The following ZNF587 variants were observed in gnomAD, a reference collection of about 807,000 sequenced individuals.
The protein encoded by ZNF587 is zinc finger protein zfp6.
A neutral mutation model predicts 7.5 loss-of-function variants in ZNF587; 8 were observed. The ratio of observed to expected loss-of-function variants is 1.06; its 90% CI spans 0.62 to 1.92. ZNF587 has a LOEUF of 1.92. Among genes scored for constraint, ZNF587 ranks in the 40% most tolerant of loss-of-function variants. The pLI, the probability that ZNF587 is intolerant of heterozygous loss-of-function variation, is 0.00. For synonymous variants in ZNF587, 145 were observed against 237.8 expected (o/e 0.61, Z 3.59); for missense variants, 468 against 692.8 (o/e 0.68, Z 3.64).
chr19:57,855,101 C>G (rs556069861), intron 1 of ZNF587, among the ~76,000 whole-genome samples: 11 of 151,686 alleles, frequency 7.3e-5, no homozygotes, highest in Non-Finnish European at 1.6e-4. Context: ...GGAGAATGGC[C>G]TGAACCTGGG....
Position 57,859,602 on chromosome 19 carries a change from A to G in ZNF587, c.1190A>G (p.His397Arg). 1 of 1,613,902 alleles carries G rather than the reference A, an allele frequency of 6.2e-7. No homozygotes were observed. The highest frequency in any genetic ancestry group is 8.5e-7 in the Non-Finnish European group (1 of 1,179,978). ...TTTGGTCAAAAGGGCAACCTCGTTC[A>G]CCATCAGCGAGGTCATACTGGAGAA... ...KSFGQKGNLV[H>R]HQRGHTGERP... Residue 397 changes from histidine (H) to arginine (R), a missense_variant, in exon 3 of 3, where the codon CAC (histidine) becomes CGC (arginine). Around this residue, in one of 5 missense-constraint regions of ZNF587, gnomAD observed 310 missense variants for 325.6 expected, o/e 0.95. Transcript: ENST00000339656.
In ZNF587 at chr19:57,850,047, G is replaced by C. The variant is rs1222649435; in HGVS notation, c.9G>C (p.Ala3=). MA[A]AVPRRPTQQG... The stretch of plus-strand genomic sequence containing the variant: ...CTTCCCCAAGTAGTCCGATGGCAGC[G>C]GCTGTGCCGAGGCGCCCAACTCAGG... Residue 3 remains alanine, a synonymous_variant, in exon 1 of 3, where the codon GCG becomes GCC. Coordinates refer to ENST00000339656, the MANE Select transcript of ZNF587 (RefSeq NM_032828.4). 6.2e-7 allele frequency: 1 copy of C among 1,614,136 alleles called. No homozygotes were observed. The highest frequency in any genetic ancestry group is 8.5e-7 in the Non-Finnish European group (1 of 1,180,060).
intron 1 of ZNF587, chr19:57,851,894 T>C (rs183997598): frequency 8.8e-4 from 137 of 155,352 alleles, no homozygotes; most frequent in Non-Finnish European, 1.5e-3. Flanking sequence ...CATTTTGCAC[T>C]GAGAAAAGCA....
chr19:57,854,787 T>A (rs1001383976), intron 1 of ZNF587, among the ~76,000 whole-genome samples: 1 of 151,618 alleles, frequency 6.6e-6, no homozygotes, highest in African/African-American at 2.4e-5. Context: ...ACCCCTATAA[T>A]CTCCTCACTT....
At chr19:57,852,150 TC>T (rs1364393973) in intron 1 of ZNF587, 2 of 386,370 alleles carry the variant, frequency 5.2e-6, no homozygotes, top group Admixed American at 9.1e-5. Context: ...GCCATTTTTT[TC>T]AGTCCTTTGA....
chr19:57,852,222 G>GTA (rs879720508), intron 1 of ZNF587: 168,782 of 396,042 alleles, frequency 0.43, 38,126 homozygotes, highest in African/African-American at 0.63. Flanking sequence ...GTTATATGGA[G>GTA]GTATTCCCAT....
chr19:57,858,550 C>G (rs763104048), intron 2 of ZNF587, 26 bp from the exon 3 acceptor site: 4 of 1,601,138 alleles, frequency 2.5e-6, no homozygotes, highest in East Asian at 2.2e-5. Context: ...GTACTTTGCA[C>G]TTGACCAGCA....
Position 57,861,768 on chromosome 19 carries a change from G to GTTTCCTTTT in ZNF587, c.*1631_*1632insCCTTTTTTT, listed in dbSNP as rs2071434934. On this transcript the variant is annotated 3_prime_UTR_variant, in exon 3 of 3. Coordinates refer to ENST00000339656, the MANE Select transcript of ZNF587 (RefSeq NM_032828.4). ...GTCACTTTGCTGCAAGGAATATTTG[G>GTTTCCTTTT]TTTTCTTTTTTTTTTTTTTTTCCAG... 2.2e-5 allele frequency: 2 copies of GTTTCCTTTT among 90,766 alleles called. No individual in the cohort carries two copies. Among genetic ancestry groups the GTTTCCTTTT allele is most frequent in the East Asian group, 3.8e-4 (1 of 2,664 alleles). The allele number at this position is 90,766 out of a possible 1,614,324, so 5.6% of individuals were successfully genotyped here.
At position 57,862,685 on chromosome 19, in the gene ZNF587, A is replaced by T. The variant is rs1436206101; in HGVS notation, c.*2545A>T. The T allele has an allele frequency of 1.9e-5, 3 of 154,948 alleles. No individual in the cohort carries two copies. Among genetic ancestry groups the T allele is most frequent in the Non-Finnish European group, 2.9e-5 (2 of 68,248 alleles). The allele number at this position is 154,948 out of a possible 1,614,324, so 9.6% of individuals were successfully genotyped here. On this transcript the variant is annotated 3_prime_UTR_variant, in exon 3 of 3. Transcript: ENST00000339656. The stretch of plus-strand genomic sequence containing the variant: ...GCCGTAAATGTGAATTTGGCAAGTA[A>T]CCACTGTTCCCAGGGAAATGTCCCA...
rs1234741221 is a variant in ZNF587 at position 57,861,319 on chromosome 19, G to A, written c.*1179G>A. 6.6e-6 allele frequency: 1 copy of A among 152,104 alleles called. No homozygotes were observed. The highest frequency in any genetic ancestry group is 2.4e-5 in the African/African-American group (1 of 41,420). The allele number at this position is 152,104 out of a possible 1,614,324, so 9.4% of individuals were successfully genotyped here. On this transcript the variant is annotated 3_prime_UTR_variant, in exon 3 of 3. Coordinates refer to ENST00000339656, the MANE Select transcript of ZNF587 (RefSeq NM_032828.4). ...ATAAGTGGTTATAACTTTTGAGTCA[G>A]TGGTTTATGTTTTGCATTTTTTTTG... is the stretch of plus-strand genomic sequence containing the variant.
intron 2 of ZNF587, 45 bp from the exon 3 acceptor site, chr19:57,858,531 C>T (rs372869217): frequency 6.3e-7 from 1 of 1,578,078 alleles, no homozygotes; most frequent in African/African-American, 1.4e-5. Context: ...CTGTGCCTTC[C>T]CGCCGGAGGT....
chr19:57,855,565 G>GTTT (rs750033909), intron 1 of ZNF587, among the ~76,000 whole-genome samples: 75 of 137,356 alleles, frequency 5.5e-4, no homozygotes, highest in African/African-American at 1.0e-3. Context: ...GGCTTTTTTT[G>GTTT]TTTTTTTTTT....
chr19:57,863,782 G>A lies in ZNF587; in HGVS notation c.*3642G>A, dbSNP rs1222947698. The A allele has an allele frequency of 1.3e-5, 2 of 151,824 alleles. No homozygotes were observed. Among genetic ancestry groups the A allele is most frequent in the Non-Finnish European group, 2.9e-5 (2 of 67,962 alleles). 9.4% of individuals were successfully genotyped at this position (151,824 alleles called of 1,614,324 possible). A position where few individuals can be genotyped will look rare whatever the true frequency, so the allele number is the denominator to read the frequency against. On this transcript the variant is annotated 3_prime_UTR_variant, in exon 3 of 3. Transcript: ENST00000339656. ...AATCTTGGCCAGGTGTGGTGGCTGA[G>A]GCCTGTAATCCCACCACTTTGGGAG... is the stretch of plus-strand genomic sequence containing the variant.
chr19:57,858,374 G>A (rs61338646), intron 2 of ZNF587: 294,534 of 1,039,768 alleles, frequency 0.28, 44,417 homozygotes, highest in East Asian at 0.52. Context: ...TGATCCACCC[G>A]CCTCAGCCTC....
chr19:57,854,701 C>A (rs943811343), intron 1 of ZNF587, among the ~76,000 whole-genome samples: 1 of 151,808 alleles, frequency 6.6e-6, no homozygotes, highest in African/African-American at 2.4e-5. Context: ...TGCATATTCC[C>A]AAGGGAATCA....
rs757165990 is a variant in ZNF587, at chr19:57,859,245, G to A, written c.833G>A (p.Ser278Asn). The A allele has an allele frequency of 2.1e-5, 34 of 1,603,928 alleles. No homozygotes were observed. Among genetic ancestry groups the A allele is most frequent in the African/African-American group, 2.8e-5 (2 of 72,312 alleles). ...TGTGGAGAGTGTGGGAAATCTTATA[G>A]TCGAAAGAGCAGCCTTATTCAACAT... ...YDCGECGKSYSRKSSLIQHQR... is the reference protein window; with the variant it reads ...YDCGECGKSYNRKSSLIQHQR... Residue 278 changes from serine to asparagine, a missense_variant, in exon 3 of 3, where the codon AGT becomes AAT. By Grantham distance (46) the Ser-to-Asn change is conservative. This residue lies in a region of ZNF587 where 20 missense variants were observed against 44.9 expected (regional missense o/e 0.45). Coordinates refer to ENST00000339656, the MANE Select transcript of ZNF587 (RefSeq NM_032828.4).
Position 57,860,055 on chromosome 19 carries a change from A to G in ZNF587, c.1643A>G (p.Tyr548Cys), listed in dbSNP as rs558893874. Residue 548 changes from tyrosine (Y) to cysteine (C), a missense_variant, in exon 3 of 3, where the codon TAT becomes TGT. Tyr to Cys is a radical substitution (Grantham distance 194). Coordinates refer to ENST00000339656, the MANE Select transcript of ZNF587 (RefSeq NM_032828.4). ...HRRIHTGERPYECTKCGKTFQ... is the reference protein window; with the variant it reads ...HRRIHTGERPCECTKCGKTFQ... ...AGAATTCACACTGGAGAAAGGCCTT[A>G]TGAATGCACCAAATGTGGAAAAACA... 3.1e-6 allele frequency: 5 copies of G among 1,613,546 alleles called. No individual in the cohort carries two copies. The South Asian group carries it at 4.4e-5, about 14-fold the overall frequency.
At position 57,860,327 on chromosome 19, in the gene ZNF587, G is replaced by T; in HGVS notation, c.*187G>T. 8.4e-7 allele frequency: 1 copy of T among 1,183,524 alleles called. No homozygotes were observed. Among genetic ancestry groups the T allele is most frequent in the Admixed American group, 2.4e-5 (1 of 41,086 alleles). 73.3% of individuals were successfully genotyped at this position (1,183,524 alleles called of 1,614,324 possible). On this transcript the variant is annotated 3_prime_UTR_variant, in exon 3 of 3. Transcript: ENST00000339656. The stretch of plus-strand genomic sequence containing the variant: ...TCTGTCACCCAGGCTGGAGTGCAGT[G>T]GTGCAGTCTTGGCTCGCTGCAACTT...
At position 57,864,831 on chromosome 19, in the gene ZNF587, G is replaced by A. The variant is rs1244800600; in HGVS notation, c.*4691G>A. ...GTTCACACAAAACCTTTGTAATCAG[G>A]GGGAATTAAAGAGCCTTCCTGGAAA... On this transcript the variant is annotated 3_prime_UTR_variant, in exon 3 of 3. Transcript: ENST00000339656. 6.6e-6 allele frequency: 1 copy of A among 151,912 alleles called. No homozygotes were observed. 9.4% of individuals were successfully genotyped at this position (151,912 alleles called of 1,614,324 possible).
Sources: allele counts gnomAD v4.1 joint callset (sites outside exome capture counted in the v4.1 genomes callset), GRCh38; gene constraint gnomAD v4.1.1; regional missense constraint gnomAD v4.1.1; transcripts MANE v1.5; gene names NCBI Gene and HGNC (gene_info 2026-07-23, HGNC 2026-07-21).